Variants in GABRB2 observed in about 807,000 individuals in gnomAD.
GABRB2 encodes the protein gamma-aminobutyric acid type A receptor subunit beta2.
In GABRB2, 16 loss-of-function variants were observed where a neutral mutation model predicts 54.7. The observed-to-expected ratio is 0.29, with a 90% CI of 0.20 to 0.44. GABRB2 has a LOEUF of 0.44. GABRB2 is among the 20% of genes least tolerant of loss of function. The pLI is 1.00. For missense variants in GABRB2, 355 were observed against 644.0 expected (o/e 0.55, Z 4.86); for synonymous variants, 244 against 233.8 (o/e 1.04, Z -0.40).
chr5:161,522,551 A>C (rs1031036438), intron 3 of GABRB2, among the ~76,000 whole-genome samples: 2 of 151,630 alleles, frequency 1.3e-5, no homozygotes, highest in Non-Finnish European at 3.0e-5. Context: ...CTTCTTTCCA[A>C]CTTTGGTTGC....
intron 5 of GABRB2, among the ~76,000 whole-genome samples, chr5:161,363,526 ATAAAAAAATTAATTTTTT>A (rs66552374): frequency 0.023 from 3,453 of 152,188 alleles, 57 homozygotes; most frequent in Non-Finnish European, 0.034. Context: ...TTAAAGTATA[ATAAAAAAATTAATTTTTT>A]TAAAAAAATT....
chr5:161,499,168 C>T (rs1469751447), intron 3 of GABRB2, among the ~76,000 whole-genome samples: 1 of 152,104 alleles, frequency 6.6e-6, no homozygotes, highest in African/African-American at 2.4e-5. Context: ...TTTGACTCTG[C>T]CGGACTTCGT....
rs1389693508 is a variant in GABRB2, at chr5:161,487,705, C to T, written c.238-27861G>A. Among the ~76,000 whole-genome samples the T allele has an allele frequency of 2.0e-5, 3 of 151,920 alleles. No homozygotes were observed. The East Asian group carries it at 5.8e-4, about 30-fold the overall frequency. On this transcript the variant is annotated intron_variant, in intron 3 of 9. Coordinates refer to ENST00000393959, the MANE Select transcript of GABRB2 (RefSeq NM_001371727.1). ...AAATAGTAACATTAATGCCCAATTT[C>T]CAGAGTAGTTGTGAAGACTAAACAA...
At chr5:161,440,365 C>T (rs1757434475) in intron 4 of GABRB2, among the ~76,000 whole-genome samples, 1 of 151,996 alleles carries the variant, frequency 6.6e-6, no homozygotes, top group South Asian at 2.1e-4. Context: ...ACTATAAAGA[C>T]ACATATAGAC....
chr5:161,322,720 C>T (rs2113383267), intron 9 of GABRB2, among the ~76,000 whole-genome samples: 1 of 152,074 alleles, frequency 6.6e-6, no homozygotes, highest in Middle Eastern at 3.4e-3. Context: ...CAACTTTTTC[C>T]TCTGCATTTG....
chr5:161,546,949 A>G, upstream of GABRB2: 1 of 321,732 alleles, frequency 3.1e-6, no homozygotes. Flanking sequence ...CAAAATAACT[A>G]CAGCGTCTGG....
chr5:161,357,859 T>C (rs974434196), intron 5 of GABRB2, among the ~76,000 whole-genome samples: 11 of 152,102 alleles, frequency 7.2e-5, no homozygotes, highest in African/African-American at 1.4e-4. Context: ...TCAAGGAAGA[T>C]AGGGAAGGCT....
chr5:161,424,283 T>C (rs571707300), intron 4 of GABRB2, among the ~76,000 whole-genome samples: 1 of 152,128 alleles, frequency 6.6e-6, no homozygotes, highest in Non-Finnish European at 1.5e-5. Context: ...TGGAAGAAGA[T>C]GCTATCTAGG....
chr5:161,316,905 T>C (rs1758053881), intron 9 of GABRB2, among the ~76,000 whole-genome samples: 1 of 152,146 alleles, frequency 6.6e-6, no homozygotes, highest in South Asian at 2.1e-4. Context: ...AGCCCTTTCA[T>C]TCTTACTTGA....
At chr5:161,310,885 C>T (rs2113363980) in intron 9 of GABRB2, among the ~76,000 whole-genome samples, 1 of 152,038 alleles carries the variant, frequency 6.6e-6, no homozygotes, top group East Asian at 1.9e-4. Flanking sequence ...GCCTCAGCCT[C>T]CAGTAGCTGG....
At chr5:161,327,443 G>A (rs766531011) in intron 8 of GABRB2, among the ~76,000 whole-genome samples, 4 of 151,782 alleles carry the variant, frequency 2.6e-5, no homozygotes, top group Non-Finnish European at 5.9e-5. Flanking sequence ...GAGAAGGATA[G>A]AAAAATCCAT....
intron 5 of GABRB2, among the ~76,000 whole-genome samples, chr5:161,399,368 C>T (rs1435520393): frequency 6.6e-6 from 1 of 152,060 alleles, no homozygotes; most frequent in East Asian, 1.9e-4. Flanking sequence ...TAAACGTGAT[C>T]CAGACTCCGC....
At chr5:161,322,744 C>T (rs1328478626) in intron 9 of GABRB2, among the ~76,000 whole-genome samples, 26 of 152,184 alleles carry the variant, frequency 1.7e-4, no homozygotes, top group Admixed American at 1.7e-3. Flanking sequence ...TGATTTACTA[C>T]AGCCTGAACT....
chr5:161,322,026 T>C (rs1278268933), intron 9 of GABRB2, among the ~76,000 whole-genome samples: 1 of 152,210 alleles, frequency 6.6e-6, no homozygotes, highest in Non-Finnish European at 1.5e-5. Context: ...ATGTACATCA[T>C]AGCAGTTAAA....
At chr5:161,466,803 T>C (rs1406848967) in intron 3 of GABRB2, among the ~76,000 whole-genome samples, 3 of 152,104 alleles carry the variant, frequency 2.0e-5, no homozygotes, top group Non-Finnish European at 4.4e-5. Flanking sequence ...TCTTCATTTA[T>C]ATGGTTTCCA....
At chr5:161,518,168 A>G (rs551385830) in intron 3 of GABRB2, among the ~76,000 whole-genome samples, 9 of 152,326 alleles carry the variant, frequency 5.9e-5, no homozygotes, top group Admixed American at 3.3e-4. Context: ...ATTTTAGCCA[A>G]TCATTCTCCA....
intron 3 of GABRB2, among the ~76,000 whole-genome samples, chr5:161,483,512 C>G (rs1158932584): frequency 6.6e-6 from 1 of 151,860 alleles, no homozygotes; most frequent in Non-Finnish European, 1.5e-5. Context: ...CCTGGCCTGA[C>G]CTCTTTATTG....
At chr5:161,459,445 G>A (rs1758056027) in intron 4 of GABRB2, 179 bp downstream of exon 4, 1 of 620,094 alleles carries the variant, frequency 1.6e-6, no homozygotes, top group African/African-American at 1.8e-5. Context: ...CTTAGCTGAG[G>A]TTAAGTTCCT....
chr5:161,319,543 C>T (rs1300645004), intron 9 of GABRB2, among the ~76,000 whole-genome samples: 1 of 150,788 alleles, frequency 6.6e-6, no homozygotes. Context: ...CTGTATTTTC[C>T]TGATTTCAGT....
Sources: gnomAD v4.1 joint callset for allele counts (sites outside exome capture counted in the v4.1 genomes callset) on GRCh38, gnomAD v4.1.1 for gene constraint, MANE v1.5 for transcripts, NCBI Gene and HGNC (gene_info 2026-07-23, HGNC 2026-07-21) for gene names.